C1QTNF3: variants seen among roughly 807,000 people sequenced by gnomAD.
The protein encoded by C1QTNF3 is C1q and TNF related 3.
Under a neutral mutation model 32.6 loss-of-function variants are expected in C1QTNF3, and 26 were observed. The observed-to-expected ratio is 0.80, with a 90% CI of 0.58 to 1.11. The LOEUF (loss-of-function observed/expected upper bound fraction) is 1.11, where lower values mean the gene tolerates loss of function less well. Ranked by LOEUF, C1QTNF3 falls within the 50% of genes least tolerant of loss-of-function variation. C1QTNF3 has a pLI of 0.00. For synonymous variants in C1QTNF3, 155 were observed against 146.0 expected (o/e 1.06, Z -0.44); for missense variants, 362 against 398.2 (o/e 0.91, Z 0.77).
the C1QTNF3 span, among the ~76,000 whole-genome samples, chr5:34,231,575 G>A: frequency 6.6e-6 from 1 of 152,176 alleles, no homozygotes; most frequent in Non-Finnish European, 1.5e-5. Flanking sequence ...TGTATGGTCT[G>A]TGTATGGCTA....
chr5:34,186,368 C>T, the C1QTNF3 span, among the ~76,000 whole-genome samples: 7 of 152,216 alleles, frequency 4.6e-5, no homozygotes, highest in African/African-American at 1.7e-4. Context: ...GTTTTTCGTA[C>T]CTTAAGTTTT....
chr5:34,160,915 A>G, the C1QTNF3 span, among the ~76,000 whole-genome samples: 1 of 152,206 alleles, frequency 6.6e-6, no homozygotes. Flanking sequence ...TGGGAAAAAA[A>G]AGAAAGAATA....
chr5:34,022,562 T>C (rs897181457), intron 5 of C1QTNF3, among the ~76,000 whole-genome samples: 2 of 152,172 alleles, frequency 1.3e-5, no homozygotes, highest in African/African-American at 4.8e-5. Flanking sequence ...TGGGGAGACA[T>C]GTATTGTAAG....
chr5:34,208,081 C>T, the C1QTNF3 span, among the ~76,000 whole-genome samples: 1 of 152,164 alleles, frequency 6.6e-6, no homozygotes, highest in South Asian at 2.1e-4. Context: ...TGAGCCACCT[C>T]GCCCGGCCTT....
chr5:34,142,359 G>C, the C1QTNF3 span, among the ~76,000 whole-genome samples: 1 of 151,566 alleles, frequency 6.6e-6, no homozygotes, highest in African/African-American at 2.4e-5. Context: ...TTGAACCTGG[G>C]AGGCAGAGGT....
chr5:34,227,975 A>G, the C1QTNF3 span, among the ~76,000 whole-genome samples: 1 of 149,866 alleles, frequency 6.7e-6, no homozygotes, highest in Admixed American at 6.6e-5. Flanking sequence ...CATGGAGAAA[A>G]TCCTTTTTTT....
At chr5:34,237,755 C>G in the C1QTNF3 span, among the ~76,000 whole-genome samples, 1 of 152,040 alleles carries the variant, frequency 6.6e-6, no homozygotes, top group Non-Finnish European at 1.5e-5. Flanking sequence ...ACAGCTAGTT[C>G]CCCAGAATGG....
At chr5:34,051,286 A>G in the C1QTNF3 span, among the ~76,000 whole-genome samples, 3 of 152,220 alleles carry the variant, frequency 2.0e-5, no homozygotes, top group South Asian at 4.1e-4. Flanking sequence ...TGTTTTCTAC[A>G]TGAAATAATA....
chr5:34,161,549 T>G, the C1QTNF3 span, among the ~76,000 whole-genome samples: 13 of 152,182 alleles, frequency 8.5e-5, no homozygotes, highest in African/African-American at 2.9e-4. Flanking sequence ...ATATTAGCAG[T>G]TTTTTAAGAT....
rs373658748 is a variant in C1QTNF3 at position 34,024,730 on chromosome 5, C to A, written c.701-722G>T. On this transcript the variant is annotated intron_variant, in intron 4 of 5. Coordinates refer to ENST00000382065, the MANE Select transcript of C1QTNF3 (RefSeq NM_181435.6). ...CCTAATTGAAAGCAATATAATATGA[C>A]CTAATATACTCTAAATGCCAGCACA... 1.4e-4 allele frequency among the ~76,000 whole-genome samples: 22 copies of A among 152,172 alleles called. No individual in the cohort carries two copies. The East Asian group carries it at 2.7e-3, about 19-fold the overall frequency.
the C1QTNF3 span, among the ~76,000 whole-genome samples, chr5:34,135,099 A>T: frequency 6.6e-6 from 1 of 152,092 alleles, no homozygotes; most frequent in African/African-American, 2.4e-5. Flanking sequence ...TCTATCAATA[A>T]CCTAGTTTAT....
At chr5:34,085,477 G>T in the C1QTNF3 span, among the ~76,000 whole-genome samples, 1 of 151,358 alleles carries the variant, frequency 6.6e-6, no homozygotes, top group African/African-American at 2.5e-5. Context: ...GATGTGTGGT[G>T]TTATTTCCTA....
the C1QTNF3 span, among the ~76,000 whole-genome samples, chr5:34,178,224 T>A: frequency 6.6e-6 from 1 of 150,964 alleles, no homozygotes; most frequent in African/African-American, 2.4e-5. Flanking sequence ...GAGGTAGCAG[T>A]GAGTCAAGAT....
At chr5:34,081,323 GC>G in the C1QTNF3 span, among the ~76,000 whole-genome samples, 2 of 151,574 alleles carry the variant, frequency 1.3e-5, no homozygotes, top group African/African-American at 4.9e-5. Flanking sequence ...TAATGCATTT[GC>G]AAAGAAATAA....
chr5:34,033,381 G>A lies in C1QTNF3; in HGVS notation c.493C>T (p.Leu165=). The A allele has an allele frequency of 1.2e-6, 2 of 1,613,960 alleles. No homozygotes were observed. Among genetic ancestry groups the A allele is most frequent in the Non-Finnish European group, 1.7e-6 (2 of 1,179,958 alleles). ...AKGEKGDKGD[L]GPRGERGQHG... ...TGCCCCCGCTCCCCTCGAGGCCCCA[G>A]GTCACCTTTGTCGCCCTTCTCACCT... Residue 165 remains leucine, a synonymous_variant, in exon 3 of 6, where the codon CTG becomes TTG. Coordinates refer to ENST00000382065, the MANE Select transcript of C1QTNF3 (RefSeq NM_181435.6).
chr5:34,143,769 G>A, the C1QTNF3 span, among the ~76,000 whole-genome samples: 8 of 152,230 alleles, frequency 5.3e-5, no homozygotes, highest in East Asian at 1.5e-3. Flanking sequence ...CCTTACAAGA[G>A]GTCCTTAAGG....
the C1QTNF3 span, among the ~76,000 whole-genome samples, chr5:34,050,270 T>A: frequency 6.6e-6 from 1 of 152,162 alleles, no homozygotes; most frequent in Admixed American, 6.5e-5. Flanking sequence ...TGCTCATCAA[T>A]CCTTCTCATG....
At chr5:34,238,981 C>T in the C1QTNF3 span, among the ~76,000 whole-genome samples, 1 of 152,164 alleles carries the variant, frequency 6.6e-6, no homozygotes, top group African/African-American at 2.4e-5. Flanking sequence ...AGATTAAGAG[C>T]CTATGTCCAA....
the C1QTNF3 span, among the ~76,000 whole-genome samples, chr5:34,203,255 A>G: frequency 6.6e-6 from 1 of 152,234 alleles, no homozygotes; most frequent in Non-Finnish European, 1.5e-5. Context: ...AAGAAAAACA[A>G]AAAACAACAA....
Sources: gnomAD v4.1 joint callset for allele counts (sites outside exome capture counted in the v4.1 genomes callset) on GRCh38, gnomAD v4.1.1 for gene constraint, MANE v1.5 for transcripts, NCBI Gene and HGNC (gene_info 2026-07-23, HGNC 2026-07-21) for gene names.